The following ZNF385D variants were observed in gnomAD, a reference collection of about 807,000 sequenced individuals.
The protein encoded by ZNF385D is zinc finger protein 385D.
A neutral mutation model predicts 35.8 loss-of-function variants in ZNF385D; 15 were observed. The ratio of observed to expected loss-of-function variants is 0.42; its 90% CI spans 0.28 to 0.64. The LOEUF (loss-of-function observed/expected upper bound fraction) is 0.64. Among genes scored for constraint, ZNF385D ranks in the 30% least tolerant of loss-of-function variants. The pLI is 0.23. For missense variants in ZNF385D, 474 were observed against 494.6 expected, an observed-to-expected ratio of 0.96 and a Z score of 0.39; for synonymous variants, 212 against 186.8, an observed-to-expected ratio of 1.13 and a Z score of -1.10.
At chr3:21,999,540 T>C (rs1351684245) in intron 3 of ZNF385D, among the ~76,000 whole-genome samples, 1 of 152,192 alleles carries the variant, frequency 6.6e-6, no homozygotes, top group African/African-American at 2.4e-5. Context: ...CACTGTATTA[T>C]TCTCTTGAGA....
intron 2 of ZNF385D, among the ~76,000 whole-genome samples, chr3:22,328,555 G>C (rs1177345371): frequency 6.6e-6 from 1 of 151,960 alleles, no homozygotes; most frequent in Non-Finnish European, 1.5e-5. Context: ...ATAAGATCAA[G>C]ATATCGAGAC....
intron 3 of ZNF385D, among the ~76,000 whole-genome samples, chr3:21,936,875 G>C (rs568074893): frequency 1.3e-3 from 195 of 152,260 alleles, no homozygotes; most frequent in Non-Finnish European, 2.0e-3. Context: ...TAAAGGTTAG[G>C]AATAGTTGTA....
At chr3:21,484,276 G>A (rs1222551000) in intron 4 of ZNF385D, among the ~76,000 whole-genome samples, 2 of 152,126 alleles carry the variant, frequency 1.3e-5, no homozygotes, top group East Asian at 3.9e-4. Context: ...ACCCTCTAGG[G>A]TGCCAGTAGA....
At chr3:21,842,769 C>T (rs560435926) in intron 3 of ZNF385D, among the ~76,000 whole-genome samples, 3 of 152,158 alleles carry the variant, frequency 2.0e-5, no homozygotes, top group Admixed American at 1.3e-4. Context: ...TTGGTTAATT[C>T]TACCTTTGAT....
intron 3 of ZNF385D, among the ~76,000 whole-genome samples, chr3:22,130,885 T>C (rs907932672): frequency 4.6e-5 from 7 of 152,180 alleles, no homozygotes; most frequent in African/African-American, 7.2e-5. Flanking sequence ...TGTTTGGCCA[T>C]CTTGCATCAC....
intron 3 of ZNF385D, among the ~76,000 whole-genome samples, chr3:22,019,139 C>T (rs2173304): frequency 0.19 from 26,655 of 137,078 alleles, 3,436 homozygotes; most frequent in East Asian, 0.49. Flanking sequence ...GTCTCCTATA[C>T]AGGGATCTAT....
intron 2 of ZNF385D, among the ~76,000 whole-genome samples, chr3:22,254,082 T>A (rs1181173699): frequency 6.6e-6 from 1 of 151,904 alleles, no homozygotes; most frequent in Non-Finnish European, 1.5e-5. Flanking sequence ...GGAAAATATT[T>A]GCACAGTGTA....
At chr3:22,201,685 A>G (rs1696810444) in intron 2 of ZNF385D, among the ~76,000 whole-genome samples, 1 of 152,026 alleles carries the variant, frequency 6.6e-6, no homozygotes, top group African/African-American at 2.4e-5. Context: ...ATGCTGATAC[A>G]TAATTTAAAC....
At chr3:22,252,928 T>C (rs921318362) in intron 2 of ZNF385D, among the ~76,000 whole-genome samples, 2 of 152,048 alleles carry the variant, frequency 1.3e-5, no homozygotes, top group African/African-American at 2.4e-5. Flanking sequence ...CTTTATCCTA[T>C]AGGCATCAAG....
intron 3 of ZNF385D, chr3:21,777,659 T>C (rs561612037): frequency 1.3e-5 from 2 of 152,116 alleles, no homozygotes; most frequent in South Asian, 2.1e-4. Context: ...TTCACCCTTC[T>C]TCATATCCAT....
chr3:22,283,347 C>G (rs772656789), intron 2 of ZNF385D, among the ~76,000 whole-genome samples: 1 of 152,124 alleles, frequency 6.6e-6, no homozygotes, highest in East Asian at 1.9e-4. Flanking sequence ...CAGATATTTA[C>G]AGAACATTCT....
At chr3:21,977,527 G>T (rs935487001) in intron 3 of ZNF385D, among the ~76,000 whole-genome samples, 1 of 152,052 alleles carries the variant, frequency 6.6e-6, no homozygotes, top group Non-Finnish European at 1.5e-5. Flanking sequence ...CTACCTAAAA[G>T]ACTACTCAGG....
chr3:21,570,270 T>TTCTA, intron 2 of ZNF385D, among the ~76,000 whole-genome samples: 1 of 152,256 alleles, frequency 6.6e-6, no homozygotes, highest in South Asian at 2.1e-4. Context: ...ACCTTTGCAT[T>TTCTA]TCTATCTAAG....
At chr3:22,254,929 T>G (rs1174682945) in intron 2 of ZNF385D, among the ~76,000 whole-genome samples, 3 of 151,834 alleles carry the variant, frequency 2.0e-5, no homozygotes, top group Non-Finnish European at 4.4e-5. Context: ...GGGGGTAGTG[T>G]ATATAGTATA....
chr3:22,346,749 A>T (rs1421054421), intron 2 of ZNF385D, among the ~76,000 whole-genome samples: 1 of 152,136 alleles, frequency 6.6e-6, no homozygotes, highest in East Asian at 1.9e-4. Context: ...CCTCAAAAAA[A>T]CCCCAGTGCA....
At chr3:21,987,488 A>C (rs932896455) in intron 3 of ZNF385D, among the ~76,000 whole-genome samples, 1 of 124,366 alleles carries the variant, frequency 8.0e-6, no homozygotes, top group Non-Finnish European at 1.6e-5. Flanking sequence ...AGAATGTTGA[A>C]TATTGGCCCC....
At chr3:21,958,904 T>G (rs1016328182) in intron 3 of ZNF385D, 1 of 152,174 alleles carries the variant, frequency 6.6e-6, no homozygotes. Flanking sequence ...AATGAAACAT[T>G]GTATTACATT....
chr3:22,083,846 T>C (rs182422947), intron 3 of ZNF385D, among the ~76,000 whole-genome samples: 63 of 152,230 alleles, frequency 4.1e-4, no homozygotes, highest in Non-Finnish European at 7.2e-4. Context: ...GGTCAGGTTA[T>C]CCACAAAGGG....
At chr3:21,428,656 C>T (rs958355452) in intron 5 of ZNF385D, among the ~76,000 whole-genome samples, 2 of 151,864 alleles carry the variant, frequency 1.3e-5, no homozygotes, top group Admixed American at 1.3e-4. Flanking sequence ...TCTGTGTGGC[C>T]GGTGGTCTCC....
Sources: allele counts gnomAD v4.1 joint callset (sites outside exome capture counted in the v4.1 genomes callset), GRCh38; gene constraint gnomAD v4.1.1; transcripts MANE v1.5; gene names NCBI Gene and HGNC (gene_info 2026-07-23, HGNC 2026-07-21).